Variants in CREB5 observed in about 807,000 individuals in gnomAD.
The protein encoded by CREB5 is cyclic AMP-responsive element-binding protein 5.
CREB5 carries 19 observed loss-of-function variants against 57.1 expected under a neutral mutation model. The observed-to-expected ratio is 0.33, with a 90% CI of 0.23 to 0.49. CREB5 has a LOEUF of 0.49. CREB5 is among the 20% of genes least tolerant of loss of function. The pLI is 0.99. For missense variants in CREB5, 579 were observed against 671.6 expected (o/e 0.86, Z 1.52); for synonymous variants, 238 against 238.3 (o/e 1.00, Z 0.01).
At chr7:28,526,949 G>A (rs557213473) in intron 4 of CREB5, among the ~76,000 whole-genome samples, 2 of 152,180 alleles carry the variant, frequency 1.3e-5, no homozygotes, top group Non-Finnish European at 1.5e-5. Flanking sequence ...TCCTGTGACA[G>A]CAGGTGCTGG....
intron 4 of CREB5, among the ~76,000 whole-genome samples, chr7:28,523,782 A>G (rs1003626993): frequency 1.9e-4 from 29 of 152,164 alleles, no homozygotes; most frequent in African/African-American, 5.8e-4. Flanking sequence ...AGCTCATGTC[A>G]GCTGCCACCT....
intron 5 of CREB5, among the ~76,000 whole-genome samples, chr7:28,717,817 G>T (rs778136082): frequency 1.3e-5 from 2 of 152,114 alleles, no homozygotes; most frequent in Non-Finnish European, 2.9e-5. Flanking sequence ...TTTGTTGTTA[G>T]GTCTTTAATT....
chr7:28,624,014 C>A (rs1036663339), intron 5 of CREB5, among the ~76,000 whole-genome samples: 2 of 152,142 alleles, frequency 1.3e-5, no homozygotes, highest in Non-Finnish European at 2.9e-5. Context: ...CCTCCATTAT[C>A]ACCTTTAGCA....
intron 5 of CREB5, among the ~76,000 whole-genome samples, chr7:28,602,378 C>T (rs1410733313): frequency 2.6e-5 from 4 of 152,120 alleles, no homozygotes; most frequent in African/African-American, 4.8e-5. Flanking sequence ...CTGTCCACCT[C>T]GGCCTCCCAA....
intron 1 of CREB5, among the ~76,000 whole-genome samples, chr7:28,433,365 T>G (rs1219354795): frequency 6.6e-6 from 1 of 152,222 alleles, no homozygotes; most frequent in Non-Finnish European, 1.5e-5. Flanking sequence ...ATTGTTTTAA[T>G]TTGCTTTTAT....
At chr7:28,371,348 G>T (rs1274176491) in intron 1 of CREB5, among the ~76,000 whole-genome samples, 1 of 152,042 alleles carries the variant, frequency 6.6e-6, no homozygotes, top group Non-Finnish European at 1.5e-5. Context: ...TAAAAGCTGG[G>T]CATGGTGGCA....
At chr7:28,357,544 C>CT (rs905151083) in intron 1 of CREB5, among the ~76,000 whole-genome samples, 25 of 152,036 alleles carry the variant, frequency 1.6e-4, no homozygotes, top group Non-Finnish European at 3.2e-4. Flanking sequence ...TTTCGTGGGT[C>CT]TTTTTTCACT....
intron 1 of CREB5, among the ~76,000 whole-genome samples, chr7:28,323,604 C>T (rs774927535): frequency 6.6e-6 from 1 of 152,066 alleles, no homozygotes; most frequent in Non-Finnish European, 1.5e-5. Context: ...TCCTGTGTCA[C>T]TCACTGTATC....
chr7:28,319,718 C>T (rs553498205), intron 1 of CREB5, among the ~76,000 whole-genome samples: 122 of 152,118 alleles, frequency 8.0e-4, no homozygotes, highest in Middle Eastern at 3.4e-3. Flanking sequence ...TGAGCATCCC[C>T]GAAGTCTGTG....
Position 28,742,874 on chromosome 7 carries a change from C to G in CREB5, c.702+18542C>G, listed in dbSNP as rs150124452. Among the ~76,000 whole-genome samples, 676 of 152,192 alleles carry G rather than the reference C, an allele frequency of 4.4e-3. 3 individuals are homozygous for G. Among genetic ancestry groups the G allele is most frequent in the Non-Finnish European group, 8.5e-3 (576 of 68,022 alleles). On this transcript the variant is annotated intron_variant, in intron 7 of 10. Transcript: ENST00000357727. Reference sequence around the variant, plus strand: ...CTTGGCTCATTGCAACCTCTACCTTCCAGATTCAAGCGATTCTCCTGCTTC... The same window carrying G: ...CTTGGCTCATTGCAACCTCTACCTTGCAGATTCAAGCGATTCTCCTGCTTC...
intron 5 of CREB5, among the ~76,000 whole-genome samples, chr7:28,626,150 T>A (rs160343): frequency 9.9e-5 from 15 of 152,082 alleles, no homozygotes; most frequent in Admixed American, 6.5e-5. Context: ...TTGTTTTCTG[T>A]ATCAAGTAGA....
intron 4 of CREB5, among the ~76,000 whole-genome samples, chr7:28,516,088 C>A (rs1159800437): frequency 1.3e-5 from 2 of 151,986 alleles, no homozygotes; most frequent in Non-Finnish European, 2.9e-5. Context: ...GTGGCCCACA[C>A]CTGTAGTCCC....
chr7:28,421,201 C>T (rs1485691075), intron 1 of CREB5, among the ~76,000 whole-genome samples: 1 of 152,108 alleles, frequency 6.6e-6, no homozygotes, highest in African/African-American at 2.4e-5. Flanking sequence ...CCTTTACATA[C>T]CCCATAGCAT....
At position 28,524,488 on chromosome 7, in the gene CREB5, C is replaced by T. The variant is rs920844089; in HGVS notation, c.291+16751C>T. Among the ~76,000 whole-genome samples the T allele has an allele frequency of 2.6e-5, 4 of 151,908 alleles. No individual in the cohort carries two copies. The East Asian group carries it at 7.7e-4, about 29-fold the overall frequency. Reference sequence around the variant, plus strand: ...CTGCACTCCAGCCCGGGTGACAGAGCGAGACTCTGTCTCAAAGAAAGAATG... The same window carrying T: ...CTGCACTCCAGCCCGGGTGACAGAGTGAGACTCTGTCTCAAAGAAAGAATG... On this transcript the variant is annotated intron_variant, in intron 4 of 10. Coordinates refer to ENST00000357727, the MANE Select transcript of CREB5 (RefSeq NM_182898.4).
intron 8 of CREB5, among the ~76,000 whole-genome samples, chr7:28,805,312 G>C (rs1220084768): frequency 6.6e-6 from 1 of 152,146 alleles, no homozygotes; most frequent in Non-Finnish European, 1.5e-5. Context: ...GGCGAGTCCT[G>C]TACTGGAGTG....
chr7:28,712,084 G>C (rs1468363999), intron 5 of CREB5, among the ~76,000 whole-genome samples: 3 of 152,188 alleles, frequency 2.0e-5, no homozygotes, highest in Non-Finnish European at 2.9e-5. Flanking sequence ...GTAAGTGATA[G>C]AGCTAGGATT....
At chr7:28,540,922 C>T (rs890115755) in intron 4 of CREB5, among the ~76,000 whole-genome samples, 10 of 152,132 alleles carry the variant, frequency 6.6e-5, no homozygotes, top group African/African-American at 2.4e-4. Context: ...TTAATTGATG[C>T]TCTTCATTCT....
At chr7:28,699,907 T>A (rs759553768) in intron 5 of CREB5, among the ~76,000 whole-genome samples, 12 of 152,118 alleles carry the variant, frequency 7.9e-5, no homozygotes, top group Non-Finnish European at 1.2e-4. Flanking sequence ...TGCAGAACAG[T>A]CTATCAAATG....
intron 3 of CREB5, among the ~76,000 whole-genome samples, chr7:28,502,057 T>C (rs116834091): frequency 0.017 from 2,659 of 152,262 alleles, 50 homozygotes; most frequent in African/African-American, 0.057. Context: ...ATTCCATGTC[T>C]GTTGCTTAAA....
Sources: allele counts gnomAD v4.1 joint callset (sites outside exome capture counted in the v4.1 genomes callset), GRCh38; gene constraint gnomAD v4.1.1; transcripts MANE v1.5; gene names NCBI Gene and HGNC (gene_info 2026-07-23, HGNC 2026-07-21).